The following STK33 variants were observed in gnomAD, a reference collection of about 807,000 sequenced individuals.
STK33 encodes serine/threonine-protein kinase 33.
In STK33, 52 loss-of-function variants were observed where a neutral mutation model predicts 58.0. That is an observed-to-expected ratio of 0.90 (90% CI 0.72 to 1.13). STK33 has a LOEUF of 1.13. STK33 is among the 50% of genes most tolerant of loss of function. The pLI, the probability that STK33 is intolerant of heterozygous loss-of-function variation, is 0.00. For synonymous variants in STK33, 215 were observed against 200.1 expected, an observed-to-expected ratio of 1.07 and a Z score of -0.63; for missense variants, 630 against 604.2, an observed-to-expected ratio of 1.04 and a Z score of -0.45.
At chr11:8,464,519 T>C (rs1019961449) in intron 7 of STK33, among the ~76,000 whole-genome samples, 190 bp downstream of exon 7, 2 of 152,162 alleles carry the variant, frequency 1.3e-5, no homozygotes, top group South Asian at 2.1e-4. Context: ...CAGGCAGCAC[T>C]TGCCTACTTG....
At chr11:8,483,575 G>A (rs1949994954) in intron 1 of STK33, among the ~76,000 whole-genome samples, 1 of 152,030 alleles carries the variant, frequency 6.6e-6, no homozygotes, top group African/African-American at 2.4e-5. Flanking sequence ...ACAGAGAGTG[G>A]CCACCAAATT....
At chr11:8,546,818 T>C (rs118017906) in intron 1 of STK33, among the ~76,000 whole-genome samples, 8,073 of 152,318 alleles carry the variant, frequency 0.053, 287 homozygotes, top group Non-Finnish European at 0.07. Context: ...CCACATTTTC[T>C]TTATCCATTC....
intron 1 of STK33, among the ~76,000 whole-genome samples, chr11:8,503,649 T>A (rs1253503448): frequency 6.6e-6 from 1 of 152,228 alleles, no homozygotes; most frequent in African/African-American, 2.4e-5. Flanking sequence ...AAACTATTAA[T>A]CCTAAATGCT....
At chr11:8,482,539 C>T (rs1949889332) in intron 1 of STK33, among the ~76,000 whole-genome samples, 1 of 151,852 alleles carries the variant, frequency 6.6e-6, no homozygotes, top group South Asian at 2.1e-4. Flanking sequence ...TAAATATGAA[C>T]AAAGTATAAA....
At chr11:8,342,495 T>G in the STK33 span, among the ~76,000 whole-genome samples, 1 of 152,260 alleles carries the variant, frequency 6.6e-6, no homozygotes, top group Non-Finnish European at 1.5e-5. Flanking sequence ...GTTAGCTTCT[T>G]GCTTAGCAGG....
At chr11:8,391,313 A>T (rs913405394), downstream of STK33, among the ~76,000 whole-genome samples, 2 of 152,244 alleles carry the variant, frequency 1.3e-5, no homozygotes, top group Non-Finnish European at 2.9e-5. Context: ...TCCACTAGAT[A>T]TGCCTTGGCC....
the STK33 span, among the ~76,000 whole-genome samples, chr11:8,367,466 C>T: frequency 1.3e-5 from 2 of 152,184 alleles, no homozygotes. Flanking sequence ...TGAGGTTCTG[C>T]CCCTGAGCCC....
At chr11:8,529,218 G>A (rs1428827969) in intron 1 of STK33, among the ~76,000 whole-genome samples, 2 of 152,134 alleles carry the variant, frequency 1.3e-5, no homozygotes, top group Non-Finnish European at 2.9e-5. Context: ...AAAGATTCTA[G>A]GAACATGGCA....
At chr11:8,524,492 T>C (rs1005999449) in intron 1 of STK33, among the ~76,000 whole-genome samples, 1 of 152,132 alleles carries the variant, frequency 6.6e-6, no homozygotes, top group East Asian at 1.9e-4. Context: ...AAAGAAGACA[T>C]ACAAATAGCC....
intron 1 of STK33, chr11:8,565,661 A>G (rs745706479): frequency 1.3e-5 from 2 of 152,228 alleles, no homozygotes; most frequent in South Asian, 4.1e-4. Flanking sequence ...TGGCACATAA[A>G]TAAGTACACA....
intron 1 of STK33, among the ~76,000 whole-genome samples, chr11:8,584,323 C>T (rs1174159932): frequency 2.0e-5 from 3 of 152,112 alleles, no homozygotes; most frequent in South Asian, 2.1e-4. Flanking sequence ...CAAAGTCCTA[C>T]ATAAGTGACC....
the STK33 span, among the ~76,000 whole-genome samples, chr11:8,350,585 T>C: frequency 1.2e-4 from 18 of 152,080 alleles, no homozygotes; most frequent in Non-Finnish European, 2.6e-4. Flanking sequence ...GCCACCCTCA[T>C]CTTGCACTAG....
chr11:8,454,781 A>C lies in STK33; in HGVS notation c.749T>G (p.Leu250Arg). ...GTTTATTTCATTGTTATCATCAATA[A>C]GACTGCTTTTAACCATTATATTTTC... Reference protein sequence around the residue: ...KLENIMVKSSLIDDNNEINLN... With the variant: ...KLENIMVKSSRIDDNNEINLN... Residue 250 changes from leucine to arginine, a missense_variant, in exon 10 of 16, where the codon CTT becomes CGT. Physicochemically the swap from Leu to Arg is moderately radical, Grantham distance 102 (BLOSUM62 -2). Coordinates refer to ENST00000687296, the MANE Select transcript of STK33 (RefSeq NM_001352389.2). The C allele has an allele frequency of 6.3e-7, 1 of 1,578,346 alleles. No homozygotes were observed. The highest frequency in any genetic ancestry group is 8.6e-7 in the Non-Finnish European group (1 of 1,159,140).
At chr11:8,494,458 T>C (rs1178475248) in intron 1 of STK33, among the ~76,000 whole-genome samples, 3 of 152,176 alleles carry the variant, frequency 2.0e-5, no homozygotes, top group African/African-American at 7.2e-5. Context: ...CACAAACAAA[T>C]GGAAGAACAT....
chr11:8,402,416 G>C (rs559639393), intron 15 of STK33, among the ~76,000 whole-genome samples: 2 of 152,094 alleles, frequency 1.3e-5, no homozygotes, highest in Non-Finnish European at 2.9e-5. Flanking sequence ...ATTGAACAAT[G>C]AGAACAGATG....
At chr11:8,568,705 T>C (rs1957606426) in intron 1 of STK33, among the ~76,000 whole-genome samples, 1 of 152,186 alleles carries the variant, frequency 6.6e-6, no homozygotes, top group East Asian at 1.9e-4. Flanking sequence ...ATTTCCCTAA[T>C]AACTGTCTAG....
the STK33 span, among the ~76,000 whole-genome samples, chr11:8,372,112 C>T: frequency 6.6e-6 from 1 of 152,226 alleles, no homozygotes; most frequent in Non-Finnish European, 1.5e-5. Context: ...AAGAGATCCT[C>T]CCACCTCAGC....
the STK33 span, among the ~76,000 whole-genome samples, chr11:8,352,303 C>T: frequency 1.3e-5 from 2 of 152,130 alleles, no homozygotes; most frequent in East Asian, 3.9e-4. Flanking sequence ...GGACAGAGCT[C>T]TAGGGTTTCA....
chr11:8,475,118 T>A (rs778655157), intron 4 of STK33, 52 bp from the exon 5 acceptor site: 346 of 434,966 alleles, frequency 8.0e-4, no homozygotes, highest in Non-Finnish European at 6.7e-4. Flanking sequence ...CCTATTACCA[T>A]CCTGGAAATC....
Sources: allele counts gnomAD v4.1 joint callset (sites outside exome capture counted in the v4.1 genomes callset), GRCh38; gene constraint gnomAD v4.1.1; transcripts MANE v1.5; gene names NCBI Gene and HGNC (gene_info 2026-07-23, HGNC 2026-07-21).